Variants in COL6A5 observed in about 807,000 individuals in gnomAD.
The protein encoded by COL6A5 is collagen alpha-5(VI) chain.
A neutral mutation model predicts 65.6 loss-of-function variants in COL6A5; 48 were observed. The observed-to-expected ratio is 0.73, with a 90% CI of 0.58 to 0.93. The LOEUF is 0.93. Ranked by LOEUF, COL6A5 falls within the 40% of genes least tolerant of loss-of-function variation. The probability of loss-of-function intolerance (pLI) is 0.00; values close to 1 mark genes in which losing one functional copy is unlikely to be tolerated. For missense variants in COL6A5, 914 were observed against 928.3 expected (o/e 0.98, Z 0.20); for synonymous variants, 291 against 322.8 (o/e 0.90, Z 1.05).
intron 7 of COL6A5, among the ~76,000 whole-genome samples, chr3:130,475,887 T>C (rs10804599): frequency 2.6e-5 from 4 of 152,068 alleles, no homozygotes; most frequent in Admixed American, 1.3e-4. Context: ...GGAATTAATA[T>C]CCCTAGTACA....
intron 3 of COL6A5, among the ~76,000 whole-genome samples, chr3:130,378,900 A>G (rs1935885136): frequency 6.6e-6 from 1 of 152,202 alleles, no homozygotes; most frequent in African/African-American, 2.4e-5. Context: ...AAATAATACA[A>G]TCTAGTTATC....
chr3:130,393,074 TTTTGTGTGTGTG>T (rs1366876896), intron 7 of COL6A5, among the ~76,000 whole-genome samples: 90 of 79,708 alleles, frequency 1.1e-3, no homozygotes, highest in African/African-American at 5.1e-3. Flanking sequence ...AGTGTTTTTT[TTTTGTGTGTGTG>T]TGTGTGTGTG....
intron 7 of COL6A5, among the ~76,000 whole-genome samples, chr3:130,475,031 GGAAAA>G (rs137971001): frequency 0.61 from 65,899 of 108,712 alleles, 24,709 homozygotes; most frequent in Non-Finnish European, 0.77. Flanking sequence ...AAAAAAAAAA[GGAAAA>G]GAAAAGAAAA....
rs138598893 is a variant in COL6A5 at position 130,410,075 on chromosome 3, G to A, written c.4608+1G>A. The stretch of plus-strand genomic sequence containing the variant: ...CTCCAAAGGAGAACAAGGAAGACAA[G>A]TAATTTGATCTGTTTTATCTATGAG... On this transcript the variant is annotated splice_donor_variant and NMD_transcript_variant, in intron 19 of 41. Transcript: ENST00000312481. 2.5e-4 allele frequency: 379 copies of A among 1,545,190 alleles called. No homozygotes were observed. The African/African-American group carries it at 4.6e-3, about 19-fold the overall frequency.
chr3:130,480,873 C>A (rs1710220216), intron 7 of COL6A5, among the ~76,000 whole-genome samples: 1 of 151,916 alleles, frequency 6.6e-6, no homozygotes, highest in African/African-American at 2.4e-5. Context: ...ACAGGAGAAC[C>A]AGTAAGGAAG....
intron 5 of COL6A5, among the ~76,000 whole-genome samples, chr3:130,462,790 C>A (rs556620452): frequency 6.6e-6 from 1 of 152,042 alleles, no homozygotes; most frequent in Non-Finnish European, 1.5e-5. Context: ...TGGCTTCAAT[C>A]AGAAGGAACA....
chr3:130,437,529 TG>T (rs1709059884), intron 1 of COL6A5, among the ~76,000 whole-genome samples: 2 of 152,114 alleles, frequency 1.3e-5, no homozygotes, highest in Admixed American at 6.6e-5. Flanking sequence ...CTCTTCTACC[TG>T]AAACTCTGCA....
intron 2 of COL6A5, among the ~76,000 whole-genome samples, chr3:130,374,861 G>A (rs915896549): frequency 2.0e-5 from 3 of 152,124 alleles, no homozygotes; most frequent in African/African-American, 7.2e-5. Context: ...GTGTATGTCC[G>A]TGTCTGTGTG....
rs1486564172 is a variant in COL6A5 at position 130,431,819 on chromosome 3, CTG to C, written c.361_362del (p.Phe123Ter). 5 of 1,551,624 alleles carry C rather than the reference CTG, an allele frequency of 3.2e-6. No individual in the cohort carries two copies. Among genetic ancestry groups the C allele is most frequent in the Non-Finnish European group, 4.4e-6 (5 of 1,146,952 alleles). On this transcript the variant is annotated frameshift_variant, in exon 1 of 8. Coordinates refer to ENST00000512836, the Ensembl canonical transcript of COL6A5. LOFTEE classifies it high-confidence loss of function. ...GCAGGAGCCAACGTGAGGAGAGTTGCTGTGTTTTTTAGCAATGGTCAAACAGC... is the reference window on the plus strand; with the variant it reads ...GCAGGAGCCAACGTGAGGAGAGTTGCTGTTTTTTAGCAATGGTCAAACAGC...
chr3:130,372,658 A>G (rs917817345), intron 1 of COL6A5, among the ~76,000 whole-genome samples: 9 of 152,152 alleles, frequency 5.9e-5, no homozygotes, highest in East Asian at 5.8e-4. Flanking sequence ...GCCAGCACCT[A>G]TAGAAGGGGA....
chr3:130,431,138 G>T (rs1450299505), upstream of COL6A5, among the ~76,000 whole-genome samples: 5 of 152,108 alleles, frequency 3.3e-5, no homozygotes, highest in Non-Finnish European at 7.4e-5. Flanking sequence ...GTAGATTCAT[G>T]TAACCACTAT....
chr3:130,403,767 T>C, intron 13 of COL6A5, 105 bp downstream of exon 13: 1 of 820,566 alleles, frequency 1.2e-6, no homozygotes, highest in Non-Finnish European at 1.8e-6. Context: ...AAAAAGCTTA[T>C]TTTCATACAA....
At chr3:130,347,396 T>C (rs1934525811) in intron 1 of COL6A5, among the ~76,000 whole-genome samples, 1 of 151,716 alleles carries the variant, frequency 6.6e-6, no homozygotes, top group Non-Finnish European at 1.5e-5. Context: ...TTAAAACATC[T>C]AAAAGGCTTT....
chr3:130,476,800 C>T (rs957080351), intron 7 of COL6A5: 4 of 599,052 alleles, frequency 6.7e-6, no homozygotes, highest in Non-Finnish European at 1.2e-5. Flanking sequence ...ATTATTTTCT[C>T]CAAAAGTTTT....
chr3:130,398,265 G>A (rs1936685998), intron 10 of COL6A5, among the ~76,000 whole-genome samples, 154 bp downstream of exon 10: 1 of 151,574 alleles, frequency 6.6e-6, no homozygotes, highest in South Asian at 2.1e-4. Context: ...TGAGTAGCTG[G>A]GACTACAGGC....
At chr3:130,359,710 C>T (rs765981160) in intron 1 of COL6A5, among the ~76,000 whole-genome samples, 48 of 151,998 alleles carry the variant, frequency 3.2e-4, no homozygotes, top group Non-Finnish European at 5.7e-4. Context: ...ATAGGTGGTT[C>T]TGCAGTCATG....
chr3:130,460,876 G>T (rs1709687820), intron 5 of COL6A5, among the ~76,000 whole-genome samples: 3 of 151,812 alleles, frequency 2.0e-5, no homozygotes, highest in Non-Finnish European at 4.4e-5. Context: ...GGTGGTGGTG[G>T]TACTGGTGAT....
At chr3:130,358,438 T>G (rs899183340) in intron 1 of COL6A5, among the ~76,000 whole-genome samples, 2 of 152,104 alleles carry the variant, frequency 1.3e-5, no homozygotes, top group African/African-American at 2.4e-5. Flanking sequence ...AGAGAAAAGA[T>G]TCAATTTACA....
At chr3:130,397,893 A>G in exon 9 of COL6A5, 3 of 1,551,434 alleles carry the variant, frequency 1.9e-6, no homozygotes, top group Non-Finnish European at 2.6e-6. Flanking sequence ...TTTGGGACAC[A>G]TTTAAGGATA....
Sources: gnomAD v4.1 joint callset for allele counts (sites outside exome capture counted in the v4.1 genomes callset) on GRCh38, gnomAD v4.1.1 for gene constraint, MANE v1.5 for transcripts, NCBI Gene and HGNC (gene_info 2026-07-23, HGNC 2026-07-21) for gene names.